Variants in ARL8B observed in about 807,000 individuals in gnomAD.
ARL8B encodes ARF like GTPase 8B.
ARL8B carries 9 observed loss-of-function variants against 30.6 expected under a neutral mutation model. The observed-to-expected ratio is 0.29, with a 90% CI of 0.18 to 0.51. ARL8B has a LOEUF of 0.51. ARL8B is among the 20% of genes least tolerant of loss of function. The pLI is 0.97. For synonymous variants in ARL8B, 74 were observed against 76.0 expected, an observed-to-expected ratio of 0.97 and a Z score of 0.14; for missense variants, 130 against 227.2, an observed-to-expected ratio of 0.57 and a Z score of 2.75.
At chr3:5,131,386 A>AT (rs1464204546) in intron 1 of ARL8B, among the ~76,000 whole-genome samples, 1 of 137,076 alleles carries the variant, frequency 7.3e-6, no homozygotes. Flanking sequence ...CAATAAAAAA[A>AT]TTAAAAAATT....
At chr3:5,139,673 G>A (rs2054355301) in intron 1 of ARL8B, among the ~76,000 whole-genome samples, 1 of 152,184 alleles carries the variant, frequency 6.6e-6, no homozygotes, top group Admixed American at 6.6e-5. Context: ...TATTTCCCTG[G>A]AAGTAGAATG....
At chr3:5,123,848 G>A (rs1470693527) in intron 1 of ARL8B, among the ~76,000 whole-genome samples, 1 of 152,166 alleles carries the variant, frequency 6.6e-6, no homozygotes, top group Non-Finnish European at 1.5e-5. Flanking sequence ...CCTGCTTGTT[G>A]TTCGGCTCCT....
At chr3:5,128,176 A>G (rs994764948) in intron 1 of ARL8B, among the ~76,000 whole-genome samples, 1 of 151,878 alleles carries the variant, frequency 6.6e-6, no homozygotes, top group Admixed American at 6.6e-5. Flanking sequence ...AAAAAAAAAA[A>G]AAAAAAAGCA....
chr3:5,167,499 G>C (rs1442326731), intron 1 of ARL8B, among the ~76,000 whole-genome samples: 2 of 152,152 alleles, frequency 1.3e-5, no homozygotes, highest in Non-Finnish European at 1.5e-5. Flanking sequence ...TGGGGTTCTT[G>C]GAACGTATCC....
Position 5,166,325 on chromosome 3 carries a change from G to C in ARL8B, c.124-4178G>C, listed in dbSNP as rs1054240647. Among the ~76,000 whole-genome samples, 3 of 140,010 alleles carry C rather than the reference G, an allele frequency of 2.1e-5. No homozygotes were observed. In the Admixed American group the frequency reaches 2.2e-4, roughly 10 times the overall value. 91.9% of individuals were successfully genotyped at this position (140,010 alleles called of 152,430 possible). On this transcript the variant is annotated intron_variant, in intron 1 of 6. Transcript: ENST00000256496. ...AGTGCTGGGAGTACAGGTGTGAGCT[G>C]CTGCGCCTGGCTGGTATCTTTCGTT...
Position 5,122,425 on chromosome 3 carries a change from C to A in ARL8B, c.-41C>A. 1 of 1,610,182 alleles carries A rather than the reference C, an allele frequency of 6.2e-7. No individual in the cohort carries two copies. Among genetic ancestry groups the A allele is most frequent in the South Asian group, 1.1e-5 (1 of 90,854 alleles). On this transcript the variant is annotated 5_prime_UTR_variant, in exon 1 of 7. Transcript: ENST00000256496. ...CGTGTGGAAGTCGTCGACGCCGCCGCTCGTCCGTCCTCCCGTCCGTTCTCG... is the reference window on the plus strand; with the variant it reads ...CGTGTGGAAGTCGTCGACGCCGCCGATCGTCCGTCCTCCCGTCCGTTCTCG...
intron 1 of ARL8B, among the ~76,000 whole-genome samples, chr3:5,123,798 C>A (rs1484744630): frequency 6.6e-6 from 1 of 152,132 alleles, no homozygotes; most frequent in Non-Finnish European, 1.5e-5. Flanking sequence ...AGCAGAAACC[C>A]CAAAGTCCTT....
At chr3:5,169,566 T>C (rs1045189940) in intron 1 of ARL8B, among the ~76,000 whole-genome samples, 1 of 148,854 alleles carries the variant, frequency 6.7e-6, no homozygotes, top group Non-Finnish European at 1.5e-5. Context: ...CTGTTTTTTT[T>C]CTTTTCCTCT....
At chr3:5,178,551 C>A in intron 6 of ARL8B, 113 bp from the exon 7 acceptor site, 1 of 921,246 alleles carries the variant, frequency 1.1e-6, no homozygotes, top group South Asian at 1.8e-5. Flanking sequence ...TGCAGAAAAG[C>A]AGCAGAGGTC....
chr3:5,152,779 C>T (rs1274933431), intron 1 of ARL8B, among the ~76,000 whole-genome samples: 2 of 152,118 alleles, frequency 1.3e-5, no homozygotes, highest in South Asian at 2.1e-4. Flanking sequence ...AGCCACTGTG[C>T]CTAGACAAAA....
rs113655431 is a variant in ARL8B, at chr3:5,123,883, T to G, written c.123+1295T>G. On this transcript the variant is annotated intron_variant, in intron 1 of 6. Transcript: ENST00000256496. ...TTTTCTAGTAGTATTATTATTAATT[T>G]TTTTTCTTGAGACGGAGTCTCGCTT... Among the ~76,000 whole-genome samples the G allele has an allele frequency of 5.6e-3, 846 of 152,304 alleles. 8 individuals are homozygous for G. Among genetic ancestry groups the G allele is most frequent in the African/African-American group, 0.019 (789 of 41,570 alleles).
intron 6 of ARL8B, among the ~76,000 whole-genome samples, chr3:5,175,989 T>G (rs2054726672): frequency 6.6e-6 from 1 of 152,182 alleles, no homozygotes; most frequent in South Asian, 2.1e-4. Flanking sequence ...CATGACTTTT[T>G]AGGGGGACAT....
intron 1 of ARL8B, among the ~76,000 whole-genome samples, chr3:5,167,504 G>A (rs1368346053): frequency 6.6e-6 from 1 of 152,138 alleles, no homozygotes; most frequent in Non-Finnish European, 1.5e-5. Flanking sequence ...TTCTTGGAAC[G>A]TATCCCCCAA....
intron 1 of ARL8B, among the ~76,000 whole-genome samples, chr3:5,139,993 T>G (rs919325375): frequency 3.3e-5 from 5 of 151,086 alleles, no homozygotes; most frequent in South Asian, 2.1e-4. Context: ...TTTTGTTTTT[T>G]TTTTTTTTTT....
rs764769088 is a variant in ARL8B at position 5,170,485 on chromosome 3, A to T, written c.124-18A>T. 1.3e-6 allele frequency: 2 copies of T among 1,584,154 alleles called. No homozygotes were observed. The highest frequency in any genetic ancestry group is 2.3e-5 in the South Asian group (2 of 88,172). On this transcript the variant is annotated intron_variant, in intron 1 of 6. Transcript: ENST00000256496. ...TTATAAGTGAGTAGCCTAACTTCAA[A>T]TGTTTTATTTTGTTCAGTCAGGTCA...
chr3:5,167,964 T>C (rs1323186869), intron 1 of ARL8B, among the ~76,000 whole-genome samples: 5 of 152,228 alleles, frequency 3.3e-5, no homozygotes, highest in Admixed American at 3.3e-4. Flanking sequence ...TAGAAAATAC[T>C]TCCAGGTCCA....
At chr3:5,166,132 C>T (rs1228035814) in intron 1 of ARL8B, among the ~76,000 whole-genome samples, 5 of 150,820 alleles carry the variant, frequency 3.3e-5, no homozygotes, top group African/African-American at 7.3e-5. Flanking sequence ...CTCCGCTTCC[C>T]GGGTTCAAGC....
chr3:5,136,944 A>G (rs1302425863), intron 1 of ARL8B, among the ~76,000 whole-genome samples: 3 of 152,222 alleles, frequency 2.0e-5, no homozygotes, highest in Non-Finnish European at 2.9e-5. Context: ...TATCTGTGCA[A>G]ATTATCTGTT....
At chr3:5,129,541 G>A (rs1049492427) in intron 1 of ARL8B, among the ~76,000 whole-genome samples, 3 of 151,988 alleles carry the variant, frequency 2.0e-5, no homozygotes, top group African/African-American at 7.2e-5. Flanking sequence ...GATAACTATA[G>A]AGAACATAAT....
Sources: gnomAD v4.1 joint callset for allele counts (sites outside exome capture counted in the v4.1 genomes callset) on GRCh38, gnomAD v4.1.1 for gene constraint, MANE v1.5 for transcripts, NCBI Gene and HGNC (gene_info 2026-07-23, HGNC 2026-07-21) for gene names.